TMEM132C: variants seen among roughly 807,000 people sequenced by gnomAD.
TMEM132C encodes the protein protein phosphatase 1, regulatory subunit 152.
Under a neutral mutation model 61.4 loss-of-function variants are expected in TMEM132C, and 29 were observed. The ratio of observed to expected loss-of-function variants is 0.47; its 90% CI spans 0.35 to 0.64. The LOEUF is 0.64. TMEM132C is among the 30% of genes least tolerant of loss of function. The pLI is 0.00. For missense variants in TMEM132C, 1,408 were observed against 1,476.9 expected, an observed-to-expected ratio of 0.95 and a Z score of 0.76; for synonymous variants, 656 against 633.1, an observed-to-expected ratio of 1.04 and a Z score of -0.54.
At chr12:128,383,696 G>A (rs1874489397) in intron 1 of TMEM132C, among the ~76,000 whole-genome samples, 1 of 152,170 alleles carries the variant, frequency 6.6e-6, no homozygotes, top group African/African-American at 2.4e-5. Flanking sequence ...TCTGGAGCTT[G>A]CTTGAATGAG....
chr12:128,673,658 A>G (rs148811239), intron 5 of TMEM132C, among the ~76,000 whole-genome samples: 251 of 152,368 alleles, frequency 1.6e-3, no homozygotes, highest in Non-Finnish European at 2.4e-3. Context: ...CTGAAATGCA[A>G]GCATATCATG....
intron 1 of TMEM132C, among the ~76,000 whole-genome samples, chr12:128,337,913 C>G (rs1713620): frequency 6.6e-6 from 1 of 151,678 alleles, no homozygotes; most frequent in Admixed American, 6.6e-5. Flanking sequence ...TTCACAAACA[C>G]GTGAGACTCT....
intron 1 of TMEM132C, among the ~76,000 whole-genome samples, chr12:128,362,562 A>G (rs1188055621): frequency 1.3e-5 from 2 of 152,004 alleles, no homozygotes; most frequent in Admixed American, 1.3e-4. Flanking sequence ...GCCTGGCACC[A>G]GACGTGTTTC....
chr12:128,531,968 A>C (rs1269091765), intron 2 of TMEM132C, among the ~76,000 whole-genome samples: 1 of 152,342 alleles, frequency 6.6e-6, no homozygotes, highest in Admixed American at 6.5e-5. Context: ...ACAAAACACA[A>C]GAACGGTAAT....
At chr12:128,518,436 C>A (rs1872791051) in intron 2 of TMEM132C, among the ~76,000 whole-genome samples, 1 of 152,140 alleles carries the variant, frequency 6.6e-6, no homozygotes, top group Non-Finnish European at 1.5e-5. Context: ...GGTTTGGCAT[C>A]CTCGTTCTTA....
intron 1 of TMEM132C, among the ~76,000 whole-genome samples, chr12:128,333,253 G>A (rs531074232): frequency 4.6e-5 from 7 of 151,530 alleles, no homozygotes; most frequent in East Asian, 2.0e-4. Flanking sequence ...GACCATATGC[G>A]TGTTGCATGT....
At chr12:128,676,180 C>CT (rs1954584913) in intron 5 of TMEM132C, among the ~76,000 whole-genome samples, 2 of 152,182 alleles carry the variant, frequency 1.3e-5, no homozygotes, top group South Asian at 4.1e-4. Flanking sequence ...CTCTAGCCTC[C>CT]TTTAAGCTGA....
chr12:128,313,780 A>T (rs1872055428), intron 1 of TMEM132C, among the ~76,000 whole-genome samples: 1 of 152,228 alleles, frequency 6.6e-6, no homozygotes, highest in Non-Finnish European at 1.5e-5. Flanking sequence ...CCATGAGGTG[A>T]TTGCATAGCA....
chr12:128,554,647 G>C (rs532958691), intron 3 of TMEM132C, among the ~76,000 whole-genome samples: 5 of 152,312 alleles, frequency 3.3e-5, no homozygotes, highest in African/African-American at 1.2e-4. Context: ...CAAAACAGCT[G>C]TCTGGGAACT....
intron 2 of TMEM132C, among the ~76,000 whole-genome samples, chr12:128,473,565 TACTCCAGCCTCTATTTTCATCTTC>T (rs1265000695): frequency 0.14 from 4,011 of 29,458 alleles, 196 homozygotes; most frequent in African/African-American, 0.29. Context: ...TCTTCATCCT[TACTCCAGCCTCTATTTTCATCTTC>T]ACTCCAGCCT....
intron 1 of TMEM132C, among the ~76,000 whole-genome samples, chr12:128,408,584 G>T (rs1868398982): frequency 6.6e-6 from 1 of 152,166 alleles, no homozygotes; most frequent in Non-Finnish European, 1.5e-5. Context: ...ATTACAAGTT[G>T]CCTAAATAGT....
At chr12:128,670,983 T>TA (rs1383508274) in intron 5 of TMEM132C, among the ~76,000 whole-genome samples, 14 of 152,020 alleles carry the variant, frequency 9.2e-5, no homozygotes, top group Non-Finnish European at 1.9e-4. Flanking sequence ...GGCAAAAAAA[T>TA]AAAAAACAAA....
rs548528273 is a variant in TMEM132C, at chr12:128,480,142, C to T, written c.975-63815C>T. Among the ~76,000 whole-genome samples, 18 of 152,236 alleles carry T rather than the reference C, an allele frequency of 1.2e-4. No individual in the cohort carries two copies. The South Asian group carries it at 3.1e-3, about 26-fold the overall frequency. Reference sequence around the variant, plus strand: ...GACTTGGGTAGTGTGTGTCTGTGGTCCCAGCTACTCTGGAAGCTGAGGTGC... The same window carrying T: ...GACTTGGGTAGTGTGTGTCTGTGGTTCCAGCTACTCTGGAAGCTGAGGTGC... On this transcript the variant is annotated intron_variant, in intron 2 of 8. Transcript: ENST00000435159.
rs1032043895 is a variant in TMEM132C, at chr12:128,541,912, G to T, written c.975-2045G>T. On this transcript the variant is annotated intron_variant, in intron 2 of 8. Coordinates refer to ENST00000435159, the MANE Select transcript of TMEM132C (RefSeq NM_001136103.3). ...AATCTCAGCATTCAGCACACATGGGGTTGTGGGGTCCCTCTGTATTCGGTG... is the reference window on the plus strand; with the variant it reads ...AATCTCAGCATTCAGCACACATGGGTTTGTGGGGTCCCTCTGTATTCGGTG... Among the ~76,000 whole-genome samples, 5 of 152,158 alleles carry T rather than the reference G, an allele frequency of 3.3e-5. No homozygotes were observed. In the South Asian group the frequency reaches 1.0e-3, roughly 32 times the overall value.
chr12:128,422,441 C>T (rs867417152), intron 2 of TMEM132C, among the ~76,000 whole-genome samples: 1 of 152,128 alleles, frequency 6.6e-6, no homozygotes, highest in African/African-American at 2.4e-5. Context: ...GATCATTCAT[C>T]CTCTCCAACT....
intron 3 of TMEM132C, among the ~76,000 whole-genome samples, chr12:128,552,091 C>T (rs1245914297): frequency 2.0e-5 from 3 of 152,348 alleles, no homozygotes; most frequent in South Asian, 2.1e-4. Flanking sequence ...CCAGCGGGGT[C>T]GGTGTAGGCA....
At chr12:128,398,024 G>A (rs1170074354) in intron 1 of TMEM132C, among the ~76,000 whole-genome samples, 3 of 152,158 alleles carry the variant, frequency 2.0e-5, no homozygotes, top group Non-Finnish European at 2.9e-5. Context: ...CCCGATTAAC[G>A]TTAAGACCGA....
intron 4 of TMEM132C, among the ~76,000 whole-genome samples, chr12:128,650,763 T>C (rs1033627564): frequency 6.6e-6 from 1 of 152,056 alleles, no homozygotes; most frequent in African/African-American, 2.4e-5. Flanking sequence ...CCCACATTCA[T>C]CAGGAGATTA....
chr12:128,374,728 T>C (rs1874134913), intron 1 of TMEM132C, among the ~76,000 whole-genome samples: 1 of 151,910 alleles, frequency 6.6e-6, no homozygotes, highest in Non-Finnish European at 1.5e-5. Flanking sequence ...AAGGCCAGCC[T>C]GGCCAAGACA....
Sources: allele counts gnomAD v4.1 joint callset (sites outside exome capture counted in the v4.1 genomes callset), GRCh38; gene constraint gnomAD v4.1.1; transcripts MANE v1.5; gene names NCBI Gene and HGNC (gene_info 2026-07-23, HGNC 2026-07-21).